Variants in SYT16 observed in about 807,000 individuals in gnomAD.
SYT16 encodes synaptotagmin-16.
In SYT16, 42 loss-of-function variants were observed where a neutral mutation model predicts 61.4. The ratio of observed to expected loss-of-function variants is 0.68; its 90% CI spans 0.53 to 0.89. The LOEUF is 0.89. Among genes scored for constraint, SYT16 ranks in the 40% least tolerant of loss-of-function variants. The probability of loss-of-function intolerance (pLI) is 0.00; values close to 1 mark genes in which losing one functional copy is unlikely to be tolerated. For missense variants in SYT16, 804 were observed against 807.3 expected (o/e 1.00, Z 0.05); for synonymous variants, 314 against 302.3 (o/e 1.04, Z -0.40).
chr14:62,015,096 T>C (rs2053616299), intron 3 of SYT16, among the ~76,000 whole-genome samples: 1 of 152,238 alleles, frequency 6.6e-6, no homozygotes, highest in Non-Finnish European at 1.5e-5. Context: ...CCTGCCTTTT[T>C]CTGGCAGTTA....
intron 1 of SYT16, among the ~76,000 whole-genome samples, chr14:61,894,117 C>G (rs183638014): frequency 6.6e-5 from 10 of 152,160 alleles, no homozygotes; most frequent in African/African-American, 2.2e-4. Flanking sequence ...AACCCCATCT[C>G]TACTAAAAAT....
intron 1 of SYT16, among the ~76,000 whole-genome samples, chr14:61,916,008 C>G (rs2049108249): frequency 6.6e-6 from 1 of 152,182 alleles, no homozygotes; most frequent in Non-Finnish European, 1.5e-5. Flanking sequence ...TGTTTTCTGT[C>G]TGTCAAGGTG....
chr14:61,934,180 TC>T (rs1233031792), intron 1 of SYT16, among the ~76,000 whole-genome samples: 1 of 152,230 alleles, frequency 6.6e-6, no homozygotes, highest in Non-Finnish European at 1.5e-5. Flanking sequence ...GCTTTTTAAA[TC>T]ACATAGATAT....
Position 62,107,651 on chromosome 14 carries a change from C to T in SYT16, c.*6944C>T, listed in dbSNP as rs1485356190. On this transcript the variant is annotated 3_prime_UTR_variant, in exon 8 of 8. Transcript: ENST00000683842. ...TGGCTTAATGTATTTCTGTAATTGTCTCTTTCCCCCTTTGAAAGGCAGAAG... is the reference window on the plus strand; with the variant it reads ...TGGCTTAATGTATTTCTGTAATTGTTTCTTTCCCCCTTTGAAAGGCAGAAG... The T allele has an allele frequency of 2.0e-5, 3 of 152,038 alleles. No homozygotes were observed. Among genetic ancestry groups the T allele is most frequent in the African/African-American group, 7.2e-5 (3 of 41,398 alleles). The allele number at this position is 152,038 out of a possible 1,614,324, so 9.4% of individuals were successfully genotyped here.
chr14:61,976,407 C>G (rs1214977035), intron 2 of SYT16, among the ~76,000 whole-genome samples: 1 of 152,200 alleles, frequency 6.6e-6, no homozygotes, highest in East Asian at 1.9e-4. Flanking sequence ...CCCACATTTC[C>G]CTTTCTCACT....
intron 1 of SYT16, among the ~76,000 whole-genome samples, chr14:61,899,776 A>G (rs2048446519): frequency 6.6e-6 from 1 of 152,220 alleles, no homozygotes; most frequent in Non-Finnish European, 1.5e-5. Context: ...GCAGAAAGAC[A>G]GATGAGCTGA....
chr14:62,009,060 C>T (rs922587100), intron 3 of SYT16, among the ~76,000 whole-genome samples: 3 of 152,108 alleles, frequency 2.0e-5, no homozygotes, highest in African/African-American at 7.2e-5. Flanking sequence ...CCTTCCCTTC[C>T]CTTGCTTTAT....
intron 6 of SYT16, among the ~76,000 whole-genome samples, chr14:62,083,610 C>T (rs1462471911): frequency 1.3e-5 from 2 of 152,206 alleles, no homozygotes; most frequent in Non-Finnish European, 1.5e-5. Flanking sequence ...TGTAAACGTG[C>T]TCATTTGTAA....
chr14:61,872,853 T>G (rs921075303), intron 1 of SYT16, among the ~76,000 whole-genome samples: 1 of 152,260 alleles, frequency 6.6e-6, no homozygotes, highest in African/African-American at 2.4e-5. Flanking sequence ...CAATCTCTAT[T>G]GACTATGTTT....
chr14:61,829,331 G>A (rs1196926540), intron 1 of SYT16, among the ~76,000 whole-genome samples: 1 of 152,094 alleles, frequency 6.6e-6, no homozygotes, highest in Non-Finnish European at 1.5e-5. Flanking sequence ...CTGCTTTCAA[G>A]ATTTTTTTAT....
chr14:61,896,322 G>C (rs1280035886), intron 1 of SYT16, among the ~76,000 whole-genome samples: 3 of 152,152 alleles, frequency 2.0e-5, no homozygotes, highest in African/African-American at 7.2e-5. Flanking sequence ...AAACCCCTTT[G>C]TCCTGGAGTC....
At chr14:61,819,366 G>T (rs1342266514) in intron 1 of SYT16, among the ~76,000 whole-genome samples, 2 of 152,112 alleles carry the variant, frequency 1.3e-5, no homozygotes, top group Admixed American at 6.5e-5. Flanking sequence ...GATTGGAGAG[G>T]TATCTGAAGT....
At chr14:61,865,271 C>T in intron 1 of SYT16, 1 of 816,026 alleles carries the variant, frequency 1.2e-6, no homozygotes, top group Non-Finnish European at 2.1e-6. Flanking sequence ...GAGCATCTGT[C>T]TTTTGCCTCA....
At chr14:61,901,762 A>AATTATTATT (rs1555354445) in intron 1 of SYT16, among the ~76,000 whole-genome samples, 6 of 138,850 alleles carry the variant, frequency 4.3e-5, no homozygotes, top group African/African-American at 1.5e-4. Flanking sequence ...TAATAATAAT[A>AATTATTATT]ATTATTATTA....
At chr14:61,973,042 TAAA>T (rs1005733577) in intron 2 of SYT16, among the ~76,000 whole-genome samples, 1 of 152,112 alleles carries the variant, frequency 6.6e-6, no homozygotes, top group Non-Finnish European at 1.5e-5. Flanking sequence ...TTTTTGTTGA[TAAA>T]AAAATGATAG....
At chr14:62,075,813 G>A (rs1369809237) in intron 5 of SYT16, among the ~76,000 whole-genome samples, 2 of 151,986 alleles carry the variant, frequency 1.3e-5, no homozygotes, top group East Asian at 1.9e-4. Context: ...CTCAAGTTAC[G>A]ATTATTTGAT....
At chr14:61,872,354 A>G (rs1487438415) in intron 1 of SYT16, among the ~76,000 whole-genome samples, 1 of 152,104 alleles carries the variant, frequency 6.6e-6, no homozygotes, top group Non-Finnish European at 1.5e-5. Context: ...ATCCTCTTAA[A>G]TATTTATCTT....
At chr14:62,049,052 A>T (rs1236375237) in intron 3 of SYT16, among the ~76,000 whole-genome samples, 1 of 152,154 alleles carries the variant, frequency 6.6e-6, no homozygotes, top group Non-Finnish European at 1.5e-5. Flanking sequence ...TGTCTCGTTG[A>T]TCTGTCTAAT....
chr14:62,036,726 T>C (rs972404677), intron 3 of SYT16, among the ~76,000 whole-genome samples: 6 of 152,114 alleles, frequency 3.9e-5, no homozygotes, highest in East Asian at 1.9e-4. Flanking sequence ...ATGAGACTTA[T>C]TCACTAGCAT....
Sources: allele counts gnomAD v4.1 joint callset (sites outside exome capture counted in the v4.1 genomes callset), GRCh38; gene constraint gnomAD v4.1.1; transcripts MANE v1.5; gene names NCBI Gene and HGNC (gene_info 2026-07-23, HGNC 2026-07-21).